The following NEK10 variants were observed in gnomAD, a reference collection of about 807,000 sequenced individuals.
NEK10 encodes the protein NIMA related kinase 10.
Under a neutral mutation model 159.8 loss-of-function variants are expected in NEK10, and 122 were observed. That is an observed-to-expected ratio of 0.76 (90% CI 0.66 to 0.89). NEK10 has a LOEUF of 0.89. Among genes scored for constraint, NEK10 ranks in the 40% least tolerant of loss-of-function variants. The probability of loss-of-function intolerance (pLI) is 0.00; values close to 1 mark genes in which losing one functional copy is unlikely to be tolerated. For synonymous variants in NEK10, 466 were observed against 457.1 expected (o/e 1.02, Z -0.25); for missense variants, 1,342 against 1,323.1 (o/e 1.01, Z -0.22).
chr3:27,299,344 C>A (rs1261973690), intron 13 of NEK10, among the ~76,000 whole-genome samples: 1 of 152,212 alleles, frequency 6.6e-6, no homozygotes, highest in African/African-American at 2.4e-5. Flanking sequence ...GTTGAGTCTG[C>A]TTGTACACAA....
Position 27,361,700 on chromosome 3 carries a change from C to A in NEK10, c.-38+7525G>T, listed in dbSNP as rs573562764. Among the ~76,000 whole-genome samples, 3 of 152,104 alleles carry A rather than the reference C, an allele frequency of 2.0e-5. No individual in the cohort carries two copies. In the South Asian group the frequency reaches 6.2e-4, roughly 32 times the overall value. On this transcript the variant is annotated intron_variant, in intron 1 of 35. Transcript: ENST00000691995. ...AGTAATAAAGTAAGTACAGATTCAA[C>A]CCAAACCCCTAGAACTTTCACAAGT...
At chr3:27,307,972 A>G in intron 10 of NEK10, 27 bp from the exon 11 acceptor site, 1 of 1,097,722 alleles carries the variant, frequency 9.1e-7, no homozygotes, top group South Asian at 1.3e-5. Context: ...ATTAGCAATT[A>G]CTAAAAGCAT....
At chr3:27,152,062 A>G (rs1331455215) in intron 30 of NEK10, among the ~76,000 whole-genome samples, 4 of 152,218 alleles carry the variant, frequency 2.6e-5, no homozygotes, top group Non-Finnish European at 4.4e-5. Flanking sequence ...AAAGCTTGGA[A>G]AACATATTTG....
chr3:27,172,000 C>T, intron 28 of NEK10, 127 bp from the exon 29 acceptor site: 1 of 1,011,208 alleles, frequency 9.9e-7, no homozygotes, highest in Non-Finnish European at 1.4e-6. Flanking sequence ...AACTCATACA[C>T]TGTTGGTGGG....
chr3:27,111,220 C>G lies in NEK10; in HGVS notation c.*52G>C. The stretch of plus-strand genomic sequence containing the variant: ...GGCATCTTGCAATAGCGGCTGAAGT[C>G]CAGAACTTGAACTTCACTGAGAAAA... On this transcript the variant is annotated 3_prime_UTR_variant, in exon 36 of 36. Transcript: ENST00000691995. 1.9e-6 allele frequency: 3 copies of G among 1,539,920 alleles called. No individual in the cohort carries two copies. Among genetic ancestry groups the G allele is most frequent in the South Asian group, 2.3e-5 (2 of 88,122 alleles).
At chr3:27,265,723 G>T (rs1358030904) in intron 22 of NEK10, 1 of 146,066 alleles carries the variant, frequency 6.8e-6, no homozygotes, top group Non-Finnish European at 1.5e-5. Context: ...TCAAATTTTT[G>T]CATTTTTCAT....
At chr3:27,181,838 T>C (rs1407556140) in intron 26 of NEK10, among the ~76,000 whole-genome samples, 3 of 152,230 alleles carry the variant, frequency 2.0e-5, no homozygotes, top group Admixed American at 1.3e-4. Context: ...CTAAATTTTG[T>C]TGAATAAGTA....
At chr3:27,331,312 C>T (rs963066440) in intron 5 of NEK10, among the ~76,000 whole-genome samples, 4 of 149,276 alleles carry the variant, frequency 2.7e-5, no homozygotes, top group African/African-American at 9.9e-5. Context: ...TATCTGTGCC[C>T]AGTCTATGGT....
chr3:27,119,756 T>G lies in NEK10; in HGVS notation c.3190+4A>C, dbSNP rs778684777. On this transcript the variant is annotated splice_donor_region_variant and intron_variant, in intron 33 of 35. Coordinates refer to ENST00000691995, the MANE Select transcript of NEK10 (RefSeq NM_001394966.1). ...GCCAGGTTACCCATGTTGATCACTA[T>G]TACCTGTAGGGTCATTTGGGGACAG... 6 of 1,605,202 alleles carry G rather than the reference T, an allele frequency of 3.7e-6. No homozygotes were observed. The highest frequency in any genetic ancestry group is 4.3e-6 in the Non-Finnish European group (5 of 1,171,994).
chr3:27,230,118 C>A (rs1424970711), intron 23 of NEK10, among the ~76,000 whole-genome samples: 3 of 152,066 alleles, frequency 2.0e-5, no homozygotes, highest in African/African-American at 2.4e-5. Flanking sequence ...AGAAGTAAGA[C>A]AAAAGCATCA....
At chr3:27,162,910 A>G (rs992420204) in intron 29 of NEK10, 172 bp from the exon 30 acceptor site, 3 of 383,616 alleles carry the variant, frequency 7.8e-6, no homozygotes, top group African/African-American at 6.6e-5. Flanking sequence ...AATAAACAGT[A>G]CAATTGACAT....
At chr3:27,202,329 T>C (rs1950125818) in intron 24 of NEK10, 99 bp downstream of exon 24, 1 of 1,129,774 alleles carries the variant, frequency 8.9e-7, no homozygotes, top group Non-Finnish European at 1.2e-6. Context: ...TTCTTGCTTT[T>C]AATGGGCAGT....
intron 22 of NEK10, among the ~76,000 whole-genome samples, chr3:27,282,538 T>TTATATATATATATATA (rs10525422): frequency 0.014 from 573 of 42,050 alleles, 146 homozygotes; most frequent in African/African-American, 0.047. Flanking sequence ...CATAAATGTG[T>TTATATATATATATATA]TATATATATA....
intron 25 of NEK10, among the ~76,000 whole-genome samples, chr3:27,195,864 A>G (rs899839651): frequency 1.3e-5 from 2 of 152,198 alleles, no homozygotes; most frequent in Non-Finnish European, 2.9e-5. Context: ...ACATAATACA[A>G]TATCATTATT....
intron 23 of NEK10, among the ~76,000 whole-genome samples, chr3:27,244,656 C>T (rs929257110): frequency 6.6e-6 from 1 of 152,150 alleles, no homozygotes; most frequent in South Asian, 2.1e-4. Flanking sequence ...GCCTGGTGAT[C>T]ATTTTTCTTC....
Position 27,205,263 on chromosome 3 carries a change from G to A in NEK10, c.2091-2706C>T, listed in dbSNP as rs1322665336. ...CTCATGGGTAGGAAGAATCAATATC[G>A]TGAAAATGGCCATACTGCCCAAGGT... On this transcript the variant is annotated intron_variant, in intron 23 of 35. Coordinates refer to ENST00000691995, the MANE Select transcript of NEK10 (RefSeq NM_001394966.1). Among the ~76,000 whole-genome samples, 62 of 145,716 alleles carry A rather than the reference G, an allele frequency of 4.3e-4. 2 individuals are homozygous for A. The highest frequency in any genetic ancestry group is 1.1e-3 in the Admixed American group (16 of 14,204).
At chr3:27,204,111 T>A (rs1301570886) in intron 23 of NEK10, among the ~76,000 whole-genome samples, 1 of 152,060 alleles carries the variant, frequency 6.6e-6, no homozygotes, top group Non-Finnish European at 1.5e-5. Flanking sequence ...AAGATTTGCT[T>A]CATATTTCCA....
At chr3:27,115,732 C>A (rs536323580) in intron 35 of NEK10, among the ~76,000 whole-genome samples, 1 of 152,170 alleles carries the variant, frequency 6.6e-6, no homozygotes, top group South Asian at 2.1e-4. Flanking sequence ...TTTGTTTCAA[C>A]TGAGAATACA....
chr3:27,345,739 G>A (rs1046576369), intron 4 of NEK10, among the ~76,000 whole-genome samples: 2 of 152,122 alleles, frequency 1.3e-5, no homozygotes, highest in Non-Finnish European at 2.9e-5. Flanking sequence ...TCACAGCAAC[G>A]GCTCCTTTTA....
Sources: allele counts gnomAD v4.1 joint callset (sites outside exome capture counted in the v4.1 genomes callset), GRCh38; gene constraint gnomAD v4.1.1; transcripts MANE v1.5; gene names NCBI Gene and HGNC (gene_info 2026-07-23, HGNC 2026-07-21).